ALK: variants seen among roughly 807,000 people sequenced by gnomAD.
ALK encodes ALK tyrosine kinase receptor.
In ALK, 74 loss-of-function variants were observed where a neutral mutation model predicts 163.1. The observed-to-expected ratio is 0.45, with a 90% confidence interval of 0.38 to 0.55. ALK has a LOEUF of 0.55. Among genes scored for constraint, ALK ranks in the 20% least tolerant of loss-of-function variants. ALK has a pLI of 0.00. For synonymous variants in ALK, 960 were observed against 843.2 expected (o/e 1.14, Z -2.40); for missense variants, 2,063 against 2,105.3 (o/e 0.98, Z 0.39).
chr2:29,478,420 G>A (rs1355235656), intron 4 of ALK, among the ~76,000 whole-genome samples: 1 of 152,268 alleles, frequency 6.6e-6, no homozygotes, highest in Non-Finnish European at 1.5e-5. Flanking sequence ...GAAAGGTAGG[G>A]TGAGTGCTCC....
intron 3 of ALK, among the ~76,000 whole-genome samples, chr2:29,640,551 A>G (rs545891062): frequency 6.6e-6 from 1 of 152,184 alleles, no homozygotes; most frequent in Non-Finnish European, 1.5e-5. Context: ...ATGCCTATAC[A>G]TGAGAAGCTG....
chr2:29,911,678 C>A (rs905786410), intron 1 of ALK, among the ~76,000 whole-genome samples: 1 of 151,994 alleles, frequency 6.6e-6, no homozygotes, highest in Non-Finnish European at 1.5e-5. Context: ...GCTTTGAGAA[C>A]AAAGCAAAGG....
chr2:29,268,120 G>A (rs1180770574), intron 11 of ALK, among the ~76,000 whole-genome samples: 1 of 152,200 alleles, frequency 6.6e-6, no homozygotes, highest in Non-Finnish European at 1.5e-5. Flanking sequence ...ACTTTATGTG[G>A]AAGCATTTTG....
intron 5 of ALK, among the ~76,000 whole-genome samples, chr2:29,367,561 C>T (rs1026435563): frequency 6.6e-6 from 1 of 152,168 alleles, no homozygotes; most frequent in Non-Finnish European, 1.5e-5. Context: ...CAGGATATAG[C>T]AAATTCTTCT....
At chr2:29,288,991 T>G (rs558005172) in intron 9 of ALK, among the ~76,000 whole-genome samples, 24 of 140,996 alleles carry the variant, frequency 1.7e-4, no homozygotes, top group African/African-American at 4.7e-4. Context: ...AATAAATAAA[T>G]AAATAAATAA....
At chr2:29,269,592 C>G (rs1018798509) in intron 11 of ALK, among the ~76,000 whole-genome samples, 2 of 152,148 alleles carry the variant, frequency 1.3e-5, no homozygotes, top group African/African-American at 2.4e-5. Context: ...GTCCCAAGAG[C>G]CTTGTTAAGG....
chr2:29,277,388 A>G (rs997214106), intron 9 of ALK, among the ~76,000 whole-genome samples: 1 of 152,236 alleles, frequency 6.6e-6, no homozygotes, highest in Non-Finnish European at 1.5e-5. Context: ...TACTGTTTCC[A>G]TGGAGCAAAG....
chr2:29,732,433 C>G (rs1197804255), intron 1 of ALK, among the ~76,000 whole-genome samples: 1 of 152,218 alleles, frequency 6.6e-6, no homozygotes, highest in Non-Finnish European at 1.5e-5. Flanking sequence ...GCCATGGCTT[C>G]CTCACTGCCC....
intron 3 of ALK, among the ~76,000 whole-genome samples, chr2:29,625,919 C>G (rs1361540598): frequency 6.6e-6 from 1 of 152,208 alleles, no homozygotes; most frequent in Admixed American, 6.5e-5. Context: ...TATGCTTCAC[C>G]TGGGGAGCCA....
At chr2:29,651,383 AT>A (rs1163459082) in intron 3 of ALK, among the ~76,000 whole-genome samples, 1 of 152,178 alleles carries the variant, frequency 6.6e-6, no homozygotes, top group African/African-American at 2.4e-5. Flanking sequence ...ACACACACAT[AT>A]TCATACACCA....
Position 29,576,057 on chromosome 2 carries a change from T to G in ALK, c.953-43941A>C, listed in dbSNP as rs541845538. ...AAGAACCTGCAAGAGCCTGCAGTTA[T>G]CCCATTTCATAATTAGCCAGTGGGT... On this transcript the variant is annotated intron_variant, in intron 3 of 28. Transcript: ENST00000389048. Among the ~76,000 whole-genome samples, 5 of 152,296 alleles carry G rather than the reference T, an allele frequency of 3.3e-5. No individual in the cohort carries two copies. In the South Asian group the frequency reaches 1.0e-3, roughly 32 times the overall value.
chr2:29,835,967 A>T lies in ALK; in HGVS notation c.667+84026T>A, dbSNP rs181367651. Among the ~76,000 whole-genome samples, 6 of 152,188 alleles carry T rather than the reference A, an allele frequency of 3.9e-5. No individual in the cohort carries two copies. In the East Asian group the frequency reaches 7.7e-4, roughly 20 times the overall value. On this transcript the variant is annotated intron_variant, in intron 1 of 28. Transcript: ENST00000389048. ...TGTGAAAATGGACTAATATAGTCCA[A>T]CTCACTTGCCTTGAGTTGAGACATC...
chr2:29,204,936 C>T (rs1245161759), intron 26 of ALK, among the ~76,000 whole-genome samples: 3 of 151,970 alleles, frequency 2.0e-5, no homozygotes, highest in Non-Finnish European at 2.9e-5. Context: ...TGGCTGAGGT[C>T]GTTATTTGTC....
intron 3 of ALK, among the ~76,000 whole-genome samples, chr2:29,663,786 A>G (rs1490272396): frequency 6.6e-6 from 1 of 152,190 alleles, no homozygotes; most frequent in Non-Finnish European, 1.5e-5. Flanking sequence ...CAATGCAGGA[A>G]AATTATAACT....
At chr2:29,362,330 T>G (rs1194518844) in intron 5 of ALK, among the ~76,000 whole-genome samples, 1 of 152,238 alleles carries the variant, frequency 6.6e-6, no homozygotes, top group Non-Finnish European at 1.5e-5. Context: ...CAACTCACAA[T>G]CTGGCACATA....
At chr2:29,646,468 C>T (rs1463401623) in intron 3 of ALK, among the ~76,000 whole-genome samples, 1 of 152,076 alleles carries the variant, frequency 6.6e-6, no homozygotes, top group Non-Finnish European at 1.5e-5. Context: ...ACATGTTTTC[C>T]CTTTGCTCCA....
intron 3 of ALK, among the ~76,000 whole-genome samples, chr2:29,588,911 G>A (rs575634528): frequency 1.3e-5 from 2 of 152,278 alleles, no homozygotes; most frequent in East Asian, 3.9e-4. Context: ...GCTGCCTTGT[G>A]CTGTTTCAGC....
chr2:29,732,188 A>C (rs947371569), intron 1 of ALK, among the ~76,000 whole-genome samples: 1 of 152,246 alleles, frequency 6.6e-6, no homozygotes, highest in Admixed American at 6.5e-5. Context: ...GAGATTTTTC[A>C]AATTCTTATC....
chr2:29,514,413 C>T (rs1672606316), intron 4 of ALK, among the ~76,000 whole-genome samples: 1 of 151,856 alleles, frequency 6.6e-6, no homozygotes, highest in Admixed American at 6.6e-5. Context: ...AAAAACCAAA[C>T]ACCGCATATT....
Sources: gnomAD v4.1 joint callset for allele counts (sites outside exome capture counted in the v4.1 genomes callset) on GRCh38, gnomAD v4.1.1 for gene constraint, MANE v1.5 for transcripts, NCBI Gene and HGNC (gene_info 2026-07-23, HGNC 2026-07-21) for gene names.